Variants in XRCC4 observed in about 807,000 individuals in gnomAD.
XRCC4 encodes the protein DNA repair protein XRCC4.
Under a neutral mutation model 39.1 loss-of-function variants are expected in XRCC4, and 28 were observed. The observed-to-expected ratio is 0.72, with a 90% CI of 0.53 to 0.98. The LOEUF (loss-of-function observed/expected upper bound fraction) is 0.98, where lower values mean the gene tolerates loss of function less well. Among genes scored for constraint, XRCC4 ranks in the 50% least tolerant of loss-of-function variants. XRCC4 has a pLI of 0.00. For missense variants in XRCC4, 350 were observed against 376.4 expected (o/e 0.93, Z 0.58); for synonymous variants, 123 against 126.4 (o/e 0.97, Z 0.18).
chr5:83,335,532 C>T (rs1756568312), intron 7 of XRCC4, among the ~76,000 whole-genome samples: 1 of 151,898 alleles, frequency 6.6e-6, no homozygotes, highest in African/African-American at 2.4e-5. Context: ...TCCTATAAAT[C>T]AGTACTTTAT....
chr5:83,194,277 A>G (rs1360711277), intron 3 of XRCC4, among the ~76,000 whole-genome samples: 1 of 152,140 alleles, frequency 6.6e-6, no homozygotes, highest in Non-Finnish European at 1.5e-5. Flanking sequence ...TTGTGTGTAT[A>G]TTTACACTCA....
At chr5:83,086,292 G>A (rs1445229130) in intron 1 of XRCC4, among the ~76,000 whole-genome samples, 1 of 152,156 alleles carries the variant, frequency 6.6e-6, no homozygotes, top group Non-Finnish European at 1.5e-5. Flanking sequence ...GAAAATCCAT[G>A]TATAACTTTT....
intron 6 of XRCC4, among the ~76,000 whole-genome samples, chr5:83,210,629 A>G (rs548657570): frequency 6.6e-6 from 1 of 151,384 alleles, no homozygotes; most frequent in Admixed American, 6.5e-5. Flanking sequence ...ACAATGAGGA[A>G]ATTGCCACTG....
intron 7 of XRCC4, among the ~76,000 whole-genome samples, chr5:83,327,486 G>C (rs1399963720): frequency 7.7e-6 from 1 of 130,212 alleles, no homozygotes; most frequent in Non-Finnish European, 1.6e-5. Context: ...ATTAAATTTA[G>C]CTGTTATTTT....
rs1751782671 is a variant in XRCC4 at position 83,214,677 on chromosome 5, A to T, written c.745+9756A>T. Among the ~76,000 whole-genome samples the T allele has an allele frequency of 2.0e-5, 3 of 151,928 alleles. 1 individual carries two copies. In the South Asian group the frequency reaches 6.2e-4, roughly 31 times the overall value. On this transcript the variant is annotated intron_variant, in intron 6 of 7. Coordinates refer to ENST00000396027, the MANE Select transcript of XRCC4 (RefSeq NM_003401.5). ...GAAACCCCATCTCTACTAAACAAAA[A>T]ATACAAAAAATTAGCCGGGCATCGT...
chr5:83,110,626 A>T (rs1746397570), intron 2 of XRCC4, among the ~76,000 whole-genome samples: 1 of 152,062 alleles, frequency 6.6e-6, no homozygotes, highest in Non-Finnish European at 1.5e-5. Context: ...TGAGTGAGAA[A>T]CACAGTATAG....
the XRCC4 span, among the ~76,000 whole-genome samples, chr5:83,363,544 C>T: frequency 2.0e-5 from 3 of 152,218 alleles, no homozygotes; most frequent in East Asian, 5.8e-4. Flanking sequence ...CGATGCTATT[C>T]CCAGCCTGCC....
chr5:83,079,641 T>C (rs1744844605), intron 1 of XRCC4, among the ~76,000 whole-genome samples: 1 of 152,092 alleles, frequency 6.6e-6, no homozygotes, highest in Non-Finnish European at 1.5e-5. Context: ...CGATCTATCC[T>C]CCTCCCTCAG....
chr5:83,372,115 T>G, the XRCC4 span, among the ~76,000 whole-genome samples: 1 of 152,182 alleles, frequency 6.6e-6, no homozygotes, highest in African/African-American at 2.4e-5. Flanking sequence ...ATTAAATATT[T>G]AAGTCACAAA....
chr5:83,107,132 A>G (rs1279882785), intron 2 of XRCC4, among the ~76,000 whole-genome samples: 1 of 151,972 alleles, frequency 6.6e-6, no homozygotes, highest in East Asian at 1.9e-4. Context: ...TGGTCATTTT[A>G]TTTTCAAAAA....
At chr5:83,248,432 G>A (rs1200593101) in intron 6 of XRCC4, among the ~76,000 whole-genome samples, 5 of 152,052 alleles carry the variant, frequency 3.3e-5, no homozygotes, top group Non-Finnish European at 5.9e-5. Context: ...TTGGAGATGC[G>A]GATAATTATT....
chr5:83,247,170 A>G (rs1753135289), intron 6 of XRCC4, among the ~76,000 whole-genome samples: 1 of 152,240 alleles, frequency 6.6e-6, no homozygotes, highest in Non-Finnish European at 1.5e-5. Flanking sequence ...GAAAAAACTT[A>G]TGAACAAGTA....
chr5:83,290,191 T>C (rs1045126251), intron 7 of XRCC4, among the ~76,000 whole-genome samples: 2 of 151,830 alleles, frequency 1.3e-5, no homozygotes, highest in Non-Finnish European at 2.9e-5. Flanking sequence ...AAAAAAGTAA[T>C]TGACTTTCAG....
intron 7 of XRCC4, among the ~76,000 whole-genome samples, chr5:83,301,075 T>C (rs1426164292): frequency 6.6e-6 from 1 of 152,222 alleles, no homozygotes; most frequent in African/African-American, 2.4e-5. Flanking sequence ...GAATGATTTA[T>C]AATCCTTTGG....
chr5:83,091,471 G>A (rs373254979), intron 1 of XRCC4, among the ~76,000 whole-genome samples: 1 of 152,076 alleles, frequency 6.6e-6, no homozygotes, highest in South Asian at 2.1e-4. Flanking sequence ...ATTACAATTC[G>A]AGATGAGATT....
At chr5:83,273,894 A>G (rs1052493710) in intron 7 of XRCC4, among the ~76,000 whole-genome samples, 2 of 150,958 alleles carry the variant, frequency 1.3e-5, no homozygotes, top group Non-Finnish European at 2.9e-5. Flanking sequence ...TGTCTTGGCT[A>G]TATGGGCTCT....
chr5:83,307,879 A>G (rs139672666), intron 7 of XRCC4, among the ~76,000 whole-genome samples: 99 of 152,336 alleles, frequency 6.5e-4, no homozygotes, highest in African/African-American at 2.3e-3. Context: ...TCCAGACGGA[A>G]AATTCCAGAT....
intron 7 of XRCC4, among the ~76,000 whole-genome samples, chr5:83,304,696 G>A (rs1432981702): frequency 6.7e-6 from 1 of 149,666 alleles, no homozygotes; most frequent in East Asian, 1.9e-4. Flanking sequence ...CTTTGCTTCT[G>A]TAAAATTTAT....
rs1285837031 is a variant in XRCC4 at position 83,130,396 on chromosome 5, C to T, written c.315+19193C>T. Among the ~76,000 whole-genome samples, 8 of 152,192 alleles carry T rather than the reference C, an allele frequency of 5.3e-5. No homozygotes were observed. The East Asian group carries it at 1.2e-3, about 22-fold the overall frequency. The stretch of plus-strand genomic sequence containing the variant: ...AGTATTTTATTGAGGATTTTTGCAT[C>T]GATATTCTTCAGGGATATTGGTCTA... On this transcript the variant is annotated intron_variant, in intron 3 of 7. Transcript: ENST00000396027.
Sources: allele counts gnomAD v4.1 joint callset (sites outside exome capture counted in the v4.1 genomes callset), GRCh38; gene constraint gnomAD v4.1.1; transcripts MANE v1.5; gene names NCBI Gene and HGNC (gene_info 2026-07-23, HGNC 2026-07-21).